TAS2R1: variants seen among roughly 807,000 people sequenced by gnomAD.
TAS2R1 encodes the protein taste 2 receptor member 1.
For synonymous variants in TAS2R1, 141 were observed against 134.2 expected (o/e 1.05, Z -0.35); for missense variants, 370 against 353.4 (o/e 1.05, Z -0.38).
chr5:9,810,726 G>A, the TAS2R1 span, among the ~76,000 whole-genome samples: 2 of 152,142 alleles, frequency 1.3e-5, no homozygotes, highest in Non-Finnish European at 2.9e-5. Context: ...AATCCAGGGA[G>A]CATTAGAAAA....
the TAS2R1 span, among the ~76,000 whole-genome samples, chr5:9,869,002 A>G: frequency 3.3e-5 from 5 of 152,162 alleles, no homozygotes; most frequent in African/African-American, 9.7e-5. Context: ...AAGCCATTCA[A>G]TAAGTCTCTA....
the TAS2R1 span, among the ~76,000 whole-genome samples, chr5:9,747,184 A>T: frequency 6.6e-6 from 1 of 152,186 alleles, no homozygotes; most frequent in Non-Finnish European, 1.5e-5. Flanking sequence ...AAGATTGGGC[A>T]TTGGAGTTTG....
chr5:9,651,127 G>A (rs1740297317), intron 2 of TAS2R1, among the ~76,000 whole-genome samples: 1 of 152,138 alleles, frequency 6.6e-6, no homozygotes, highest in Non-Finnish European at 1.5e-5. Flanking sequence ...CTGTGGTGTG[G>A]AGAAATTCCA....
upstream of TAS2R1, among the ~76,000 whole-genome samples, chr5:9,715,298 A>T (rs1209165839): frequency 6.6e-6 from 1 of 152,216 alleles, no homozygotes; most frequent in East Asian, 1.9e-4. Flanking sequence ...GCACCATAAA[A>T]GCCAGGGACC....
intron 1 of TAS2R1, among the ~76,000 whole-genome samples, chr5:9,695,706 G>A (rs1448361299): frequency 6.6e-6 from 1 of 152,074 alleles, no homozygotes; most frequent in Non-Finnish European, 1.5e-5. Context: ...ACCAAACACT[G>A]AGAAAGTACT....
intron 2 of TAS2R1, among the ~76,000 whole-genome samples, chr5:9,642,589 A>C (rs991215720): frequency 3.3e-5 from 5 of 152,082 alleles, no homozygotes; most frequent in Non-Finnish European, 5.9e-5. Context: ...TTTTAGACTA[A>C]AATTTTTGTC....
At chr5:9,841,316 TCTC>T in the TAS2R1 span, among the ~76,000 whole-genome samples, 1 of 152,210 alleles carries the variant, frequency 6.6e-6, no homozygotes, top group African/African-American at 2.4e-5. Flanking sequence ...CCTTTCATCT[TCTC>T]CTTCTAGGAA....
the TAS2R1 span, among the ~76,000 whole-genome samples, chr5:9,728,196 G>GA: frequency 4.8e-4 from 72 of 151,080 alleles, no homozygotes; most frequent in East Asian, 3.9e-4. Context: ...TTGAGTTATA[G>GA]AAAAAAAAAT....
chr5:9,896,039 A>G, the TAS2R1 span, among the ~76,000 whole-genome samples: 11 of 152,348 alleles, frequency 7.2e-5, no homozygotes, highest in African/African-American at 2.4e-4. Context: ...GTGAAATTAA[A>G]GCTATCCAAG....
chr5:9,689,174 C>T (rs1741186330), intron 1 of TAS2R1, among the ~76,000 whole-genome samples: 1 of 152,166 alleles, frequency 6.6e-6, no homozygotes, highest in African/African-American at 2.4e-5. Flanking sequence ...CTCACTCCAT[C>T]TATCTTCCTA....
chr5:9,888,241 G>C, the TAS2R1 span, among the ~76,000 whole-genome samples: 1 of 152,084 alleles, frequency 6.6e-6, no homozygotes, highest in Admixed American at 6.5e-5. Flanking sequence ...CACGGGAGCT[G>C]CCATGGCCGC....
the TAS2R1 span, among the ~76,000 whole-genome samples, chr5:9,759,396 T>G: frequency 1.3e-5 from 2 of 152,144 alleles, no homozygotes; most frequent in African/African-American, 4.8e-5. Flanking sequence ...ATGGCAATGT[T>G]GTCAATGAAA....
chr5:9,876,836 G>A, the TAS2R1 span, among the ~76,000 whole-genome samples: 1 of 152,202 alleles, frequency 6.6e-6, no homozygotes, highest in Non-Finnish European at 1.5e-5. Flanking sequence ...AGGTTGTCTA[G>A]TTGCAGAGAT....
At chr5:9,811,613 C>T in the TAS2R1 span, among the ~76,000 whole-genome samples, 6 of 152,214 alleles carry the variant, frequency 3.9e-5, no homozygotes, top group South Asian at 2.1e-4. Context: ...CTGAATACCT[C>T]GGAACTCTGT....
chr5:9,887,352 G>C, the TAS2R1 span, among the ~76,000 whole-genome samples: 1 of 152,088 alleles, frequency 6.6e-6, no homozygotes, highest in Non-Finnish European at 1.5e-5. Flanking sequence ...CTATAATGAT[G>C]TCAAATGACT....
intron 1 of TAS2R1, among the ~76,000 whole-genome samples, chr5:9,697,117 T>G (rs572993366): frequency 6.6e-6 from 1 of 151,486 alleles, no homozygotes; most frequent in East Asian, 1.9e-4. Flanking sequence ...GAGAAAGAAA[T>G]AACACAATTG....
chr5:9,660,052 A>ATTTTTTTTTTTTT (rs1579771915), intron 1 of TAS2R1: 1 of 140,476 alleles, frequency 7.1e-6, no homozygotes, highest in African/African-American at 2.7e-5. Flanking sequence ...ATCCTGAAAT[A>ATTTTTTTTTTTTT]TTTCTTTTTT....
At chr5:9,738,251 AG>A in the TAS2R1 span, among the ~76,000 whole-genome samples, 1 of 152,178 alleles carries the variant, frequency 6.6e-6, no homozygotes. Flanking sequence ...TATAAGTCCA[AG>A]GGTAAGGCCC....
chr5:9,829,321 G>A, the TAS2R1 span, among the ~76,000 whole-genome samples: 1 of 152,154 alleles, frequency 6.6e-6, no homozygotes, highest in African/African-American at 2.4e-5. Flanking sequence ...AAACAGAAAA[G>A]TTCAGCTCTT....
Sources: gnomAD v4.1 joint callset for allele counts (sites outside exome capture counted in the v4.1 genomes callset) on GRCh38, gnomAD v4.1.1 for gene constraint, MANE v1.5 for transcripts, NCBI Gene and HGNC (gene_info 2026-07-23, HGNC 2026-07-21) for gene names.